The following UNC79 variants were observed in gnomAD, a reference collection of about 807,000 sequenced individuals.
The protein encoded by UNC79 is protein unc-79 homolog.
A neutral mutation model predicts 283.1 loss-of-function variants in UNC79; 37 were observed. The ratio of observed to expected loss-of-function variants is 0.13; its 90% confidence interval spans 0.10 to 0.17. UNC79 has a LOEUF of 0.17. Among genes scored for constraint, UNC79 ranks in the 10% least tolerant of loss-of-function variants. The probability of loss-of-function intolerance (pLI) is 1.00; values close to 1 mark genes in which losing one functional copy is unlikely to be tolerated. For synonymous variants in UNC79, 1,107 were observed against 1,200.2 expected (o/e 0.92, Z 1.61); for missense variants, 2,272 against 3,211.1 (o/e 0.71, Z 7.07).
intron 45 of UNC79, 58 bp from the exon 49 acceptor site, chr14:93,691,691 G>A: frequency 6.3e-7 from 1 of 1,597,088 alleles, no homozygotes. Flanking sequence ...GGAGGACTCC[G>A]TGGAGGGCCA....
At position 93,500,510 on chromosome 14, in the gene UNC79, C is replaced by T. The variant is rs143382047; in HGVS notation, c.898+3224C>T. Among the ~76,000 whole-genome samples, 54 of 152,262 alleles carry T rather than the reference C, an allele frequency of 3.5e-4. No individual in the cohort carries two copies. In the East Asian group the frequency reaches 7.7e-3, roughly 22 times the overall value. On this transcript the variant is annotated intron_variant, in intron 7 of 48. Coordinates refer to ENST00000555664, the Ensembl canonical transcript of UNC79. ...CTATAGATTACTACTTATCCAGCAC[C>T]GGCTGCTGGTCAGACATTGTTTAGC...
chr14:93,370,364 A>G (rs1427723422), intron 1 of UNC79, among the ~76,000 whole-genome samples: 4 of 152,086 alleles, frequency 2.6e-5, no homozygotes, highest in Non-Finnish European at 5.9e-5. Flanking sequence ...ACCTTAAGAA[A>G]GAGCCAAAAA....
At chr14:93,643,492 G>A (rs2069265617) in intron 33 of UNC79, 65 bp from the exon 37 acceptor site, 1 of 1,611,512 alleles carries the variant, frequency 6.2e-7, no homozygotes, top group Admixed American at 1.7e-5. Context: ...CGTGTGTGTA[G>A]TATATTATAT....
chr14:93,383,797 A>G (rs1184812266), intron 1 of UNC79, among the ~76,000 whole-genome samples: 1 of 152,134 alleles, frequency 6.6e-6, no homozygotes, highest in Non-Finnish European at 1.5e-5. Context: ...CATGGGAGGA[A>G]CTCAGTGGGA....
intron 40 of UNC79, among the ~76,000 whole-genome samples, chr14:93,665,474 T>C (rs970772241): frequency 2.0e-5 from 3 of 151,920 alleles, no homozygotes; most frequent in Non-Finnish European, 4.4e-5. Context: ...GAAAATAGGC[T>C]TTTTATCAAT....
intron 29 of UNC79, among the ~76,000 whole-genome samples, chr14:93,619,931 G>A (rs545515766): frequency 2.0e-5 from 3 of 152,194 alleles, no homozygotes; most frequent in African/African-American, 7.2e-5. Context: ...CACTTTGTAC[G>A]TGGCTTTGGC....
chr14:93,582,542 G>A (rs965164693), intron 20 of UNC79, among the ~76,000 whole-genome samples, 198 bp downstream of exon 20: 1 of 152,140 alleles, frequency 6.6e-6, no homozygotes, highest in African/African-American at 2.4e-5. Context: ...AGTTCCCTGA[G>A]CATCTTTCTG....
chr14:93,659,056 T>C, intron 38 of UNC79, 137 bp from the exon 42 acceptor site: 1 of 615,896 alleles, frequency 1.6e-6, no homozygotes, highest in Non-Finnish European at 2.7e-6. Flanking sequence ...AAGGATATTA[T>C]GGCATGGGAA....
intron 1 of UNC79, among the ~76,000 whole-genome samples, chr14:93,420,818 A>G (rs1362604479): frequency 6.6e-6 from 1 of 151,784 alleles, no homozygotes; most frequent in East Asian, 1.9e-4. Context: ...TGGAAACTCT[A>G]CAAACGTGGA....
chr14:93,370,885 A>G (rs566332635), intron 1 of UNC79, among the ~76,000 whole-genome samples: 1 of 152,346 alleles, frequency 6.6e-6, no homozygotes, highest in East Asian at 1.9e-4. Context: ...CTGTGGAACA[A>G]CTACAGAAAT....
At chr14:93,336,122 A>T (rs2053573870) in intron 1 of UNC79, among the ~76,000 whole-genome samples, 1 of 151,852 alleles carries the variant, frequency 6.6e-6, no homozygotes, top group African/African-American at 2.4e-5. Context: ...CCATTCCCAC[A>T]CTCATCTTCC....
chr14:93,338,584 A>G (rs1030625611), intron 1 of UNC79, among the ~76,000 whole-genome samples: 1 of 152,200 alleles, frequency 6.6e-6, no homozygotes, highest in African/African-American at 2.4e-5. Context: ...ACAATTTAGT[A>G]AGAACAAGAC....
intron 1 of UNC79, among the ~76,000 whole-genome samples, chr14:93,400,617 G>T (rs976632269): frequency 1.3e-5 from 2 of 152,152 alleles, no homozygotes; most frequent in Non-Finnish European, 2.9e-5. Flanking sequence ...GTGAATAAAG[G>T]CTTAATGACG....
chr14:93,632,351 A>G (rs1314267511), intron 31 of UNC79, among the ~76,000 whole-genome samples: 2 of 152,222 alleles, frequency 1.3e-5, no homozygotes, highest in Non-Finnish European at 2.9e-5. Context: ...TTTTATGACC[A>G]CATACTAAAA....
chr14:93,345,251 G>A (rs970257364), intron 1 of UNC79, among the ~76,000 whole-genome samples: 2 of 152,112 alleles, frequency 1.3e-5, no homozygotes, highest in Admixed American at 6.5e-5. Flanking sequence ...ATACATTTCC[G>A]TCATTTATAA....
chr14:93,671,459 C>A (rs1041989892), intron 40 of UNC79, among the ~76,000 whole-genome samples: 7 of 151,952 alleles, frequency 4.6e-5, no homozygotes, highest in Admixed American at 2.0e-4. Context: ...ATACAAGGAA[C>A]TCAAACTCAA....
intron 30 of UNC79, among the ~76,000 whole-genome samples, chr14:93,627,577 C>T (rs555673273): frequency 6.6e-6 from 1 of 152,270 alleles, no homozygotes; most frequent in South Asian, 2.1e-4. Context: ...AAAGAACAAG[C>T]CGTGTTGCAC....
chr14:93,577,800 T>C, intron 17 of UNC79, 42 bp from the exon 18 acceptor site: 1 of 1,593,044 alleles, frequency 6.3e-7, no homozygotes, highest in Non-Finnish European at 8.6e-7. Flanking sequence ...CAATTTGAGC[T>C]TCTGTGAGTT....
At chr14:93,692,105 G>A (rs1199018695) in intron 46 of UNC79, among the ~76,000 whole-genome samples, 159 bp downstream of exon 49, 1 of 152,090 alleles carries the variant, frequency 6.6e-6, no homozygotes, top group African/African-American at 2.4e-5. Flanking sequence ...GCTTGCATAA[G>A]CATTTTGATT....
Sources: gnomAD v4.1 joint callset for allele counts (sites outside exome capture counted in the v4.1 genomes callset) on GRCh38, gnomAD v4.1.1 for gene constraint, MANE v1.5 for transcripts, NCBI Gene and HGNC (gene_info 2026-07-23, HGNC 2026-07-21) for gene names.